MAF: variants seen among roughly 807,000 people sequenced by gnomAD.
MAF encodes the protein MAF bZIP transcription factor.
Under a neutral mutation model 22.0 loss-of-function variants are expected in MAF, and 10 were observed. The observed-to-expected ratio is 0.45, with a 90% CI of 0.28 to 0.77. MAF has a LOEUF of 0.77. Ranked by LOEUF, MAF falls within the 30% of genes least tolerant of loss-of-function variation. MAF has a pLI of 0.12. For missense variants in MAF, 544 were observed against 548.4 expected (o/e 0.99, Z 0.08); for synonymous variants, 337 against 255.8 (o/e 1.32, Z -3.03).
chr16:79,530,938 G>A, the MAF span, among the ~76,000 whole-genome samples: 57 of 152,298 alleles, frequency 3.7e-4, no homozygotes, highest in African/African-American at 1.3e-3. Context: ...TAGGGAGATG[G>A]CCCTGGGTGG....
At chr16:79,373,022 G>A in the MAF span, among the ~76,000 whole-genome samples, 11 of 152,172 alleles carry the variant, frequency 7.2e-5, no homozygotes, top group Admixed American at 3.3e-4. Flanking sequence ...AAATATATGC[G>A]GGACCATGGT....
the MAF span, among the ~76,000 whole-genome samples, chr16:79,572,023 C>T: frequency 2.0e-5 from 3 of 152,158 alleles, no homozygotes; most frequent in Non-Finnish European, 4.4e-5. Context: ...TAAGATATAA[C>T]TCACAAATTA....
chr16:79,557,951 G>A, the MAF span, among the ~76,000 whole-genome samples: 1 of 151,926 alleles, frequency 6.6e-6, no homozygotes, highest in South Asian at 2.1e-4. Flanking sequence ...AAGGCCTGAT[G>A]GGTGCTTCAG....
At chr16:79,333,727 C>T in the MAF span, among the ~76,000 whole-genome samples, 1 of 152,230 alleles carries the variant, frequency 6.6e-6, no homozygotes, top group African/African-American at 2.4e-5. Flanking sequence ...GGAAACCTAT[C>T]TGATGCCAGA....
At chr16:79,390,919 T>C in the MAF span, among the ~76,000 whole-genome samples, 1 of 152,156 alleles carries the variant, frequency 6.6e-6, no homozygotes, top group South Asian at 2.1e-4. Flanking sequence ...TTCCCTGAGA[T>C]GCTTATCAAA....
chr16:79,570,418 A>G, the MAF span, among the ~76,000 whole-genome samples: 1 of 152,124 alleles, frequency 6.6e-6, no homozygotes, highest in Non-Finnish European at 1.5e-5. Flanking sequence ...ATAGCCCTGG[A>G]GCATCCTATC....
chr16:79,459,905 T>G, the MAF span, among the ~76,000 whole-genome samples: 1 of 152,166 alleles, frequency 6.6e-6, no homozygotes, highest in Non-Finnish European at 1.5e-5. Flanking sequence ...AACATTCTCA[T>G]AAATATATCT....
chr16:79,466,307 A>C, the MAF span, among the ~76,000 whole-genome samples: 1 of 152,190 alleles, frequency 6.6e-6, no homozygotes, highest in Non-Finnish European at 1.5e-5. Context: ...AATCTGTGTG[A>C]ATGAAGGATG....
At chr16:79,223,352 C>G in the MAF span, among the ~76,000 whole-genome samples, 1 of 151,828 alleles carries the variant, frequency 6.6e-6, no homozygotes, top group Admixed American at 6.6e-5. Flanking sequence ...CTCTGGGACA[C>G]ATTTAAACCA....
chr16:79,498,322 G>A, the MAF span, among the ~76,000 whole-genome samples: 12 of 152,308 alleles, frequency 7.9e-5, no homozygotes, highest in African/African-American at 2.6e-4. Flanking sequence ...GTGCCAATGA[G>A]TGGGTATGGC....
chr16:79,278,803 C>T, the MAF span, among the ~76,000 whole-genome samples: 2 of 152,156 alleles, frequency 1.3e-5, no homozygotes, highest in Non-Finnish European at 2.9e-5. Flanking sequence ...GCCTTCCTGC[C>T]TGCTGGCCCC....
At chr16:79,346,330 T>G in the MAF span, among the ~76,000 whole-genome samples, 1 of 152,086 alleles carries the variant, frequency 6.6e-6, no homozygotes, top group Non-Finnish European at 1.5e-5. Flanking sequence ...TCCAGCTTCA[T>G]CCACGTCCCT....
chr16:79,320,183 G>A, the MAF span, among the ~76,000 whole-genome samples: 7 of 152,294 alleles, frequency 4.6e-5, no homozygotes, highest in South Asian at 1.2e-3. Context: ...GGGTACAATG[G>A]AAACCACTGA....
At chr16:79,467,380 T>C in the MAF span, among the ~76,000 whole-genome samples, 1 of 152,194 alleles carries the variant, frequency 6.6e-6, no homozygotes, top group Non-Finnish European at 1.5e-5. Context: ...TGCTCTCCAA[T>C]GGCATGCATT....
chr16:79,389,973 T>A, the MAF span, among the ~76,000 whole-genome samples: 2 of 38,356 alleles, frequency 5.2e-5, no homozygotes, highest in Non-Finnish European at 8.9e-5. Flanking sequence ...CGAGACTCCA[T>A]CTCAAAAAAA....
At chr16:79,290,869 C>G in the MAF span, among the ~76,000 whole-genome samples, 1 of 152,182 alleles carries the variant, frequency 6.6e-6, no homozygotes, top group African/African-American at 2.4e-5. Context: ...GTTAAAAATG[C>G]AGATTCCCAA....
At chr16:79,548,552 T>A in the MAF span, among the ~76,000 whole-genome samples, 1 of 152,214 alleles carries the variant, frequency 6.6e-6, no homozygotes, top group Non-Finnish European at 1.5e-5. Context: ...CATGATACCG[T>A]TGATGACCAT....
chr16:79,425,694 T>A, the MAF span, among the ~76,000 whole-genome samples: 3 of 147,118 alleles, frequency 2.0e-5, no homozygotes, highest in Admixed American at 6.9e-5. Context: ...GGAGTCTCCC[T>A]CTTTTTTTCT....
At chr16:79,372,157 G>A in the MAF span, among the ~76,000 whole-genome samples, 1 of 150,546 alleles carries the variant, frequency 6.6e-6, no homozygotes, top group South Asian at 2.1e-4. Context: ...TGGCCTCTGG[G>A]TTCCAGATGG....
Sources: gnomAD v4.1 joint callset for allele counts (sites outside exome capture counted in the v4.1 genomes callset) on GRCh38, gnomAD v4.1.1 for gene constraint, MANE v1.5 for transcripts, NCBI Gene and HGNC (gene_info 2026-07-23, HGNC 2026-07-21) for gene names.